KCTD8: variants seen among roughly 807,000 people sequenced by gnomAD.
KCTD8 encodes the protein potassium channel tetramerization domain containing 8, also known as BTB/POZ domain-containing protein KCTD8.
In KCTD8, 27 loss-of-function variants were observed where a neutral mutation model predicts 31.5. The ratio of observed to expected loss-of-function variants is 0.86; its 90% CI spans 0.63 to 1.18. The LOEUF is 1.18. Among genes scored for constraint, KCTD8 ranks in the 50% most tolerant of loss-of-function variants. The probability of loss-of-function intolerance (pLI) is 0.00; values close to 1 mark genes in which losing one functional copy is unlikely to be tolerated. For missense variants in KCTD8, 658 were observed against 647.7 expected (o/e 1.02, Z -0.17); for synonymous variants, 290 against 280.0 (o/e 1.04, Z -0.36).
At chr4:44,359,768 TA>T (rs1384750951) in intron 1 of KCTD8, among the ~76,000 whole-genome samples, 1 of 152,118 alleles carries the variant, frequency 6.6e-6, no homozygotes, top group Non-Finnish European at 1.5e-5. Flanking sequence ...TGAATAAGTT[TA>T]AAATTCATCA....
intron 1 of KCTD8, among the ~76,000 whole-genome samples, chr4:44,273,101 C>A (rs941803902): frequency 6.6e-6 from 1 of 151,882 alleles, no homozygotes; most frequent in African/African-American, 2.4e-5. Flanking sequence ...TTAAATAATT[C>A]TATTATATAA....
At chr4:44,259,041 A>G (rs1413008587) in intron 1 of KCTD8, among the ~76,000 whole-genome samples, 1 of 151,930 alleles carries the variant, frequency 6.6e-6, no homozygotes, top group Non-Finnish European at 1.5e-5. Context: ...CTAAATATAT[A>G]ATTTCCACAA....
intron 1 of KCTD8, among the ~76,000 whole-genome samples, chr4:44,336,834 T>C (rs913821843): frequency 6.6e-6 from 1 of 152,080 alleles, no homozygotes; most frequent in Non-Finnish European, 1.5e-5. Flanking sequence ...TAGTGCTTTG[T>C]TTTTAAAAAA....
At chr4:44,442,105 G>GA (rs1560455892) in intron 1 of KCTD8, among the ~76,000 whole-genome samples, 1 of 151,642 alleles carries the variant, frequency 6.6e-6, no homozygotes, top group Non-Finnish European at 1.5e-5. Flanking sequence ...TGTGTACACA[G>GA]AAAAAAGACT....
chr4:44,250,104 T>C (rs915405004), intron 1 of KCTD8, among the ~76,000 whole-genome samples: 1 of 151,824 alleles, frequency 6.6e-6, no homozygotes, highest in Non-Finnish European at 1.5e-5. Flanking sequence ...GACATCTTTG[T>C]ATACTTGTGA....
chr4:44,353,058 C>T (rs1719254469), intron 1 of KCTD8, among the ~76,000 whole-genome samples: 1 of 152,070 alleles, frequency 6.6e-6, no homozygotes, highest in Non-Finnish European at 1.5e-5. Context: ...TGGTGATTAT[C>T]ACTAGAATAA....
At chr4:44,263,810 AT>A (rs1312909660) in intron 1 of KCTD8, among the ~76,000 whole-genome samples, 19 of 152,166 alleles carry the variant, frequency 1.2e-4, no homozygotes, top group Non-Finnish European at 1.5e-4. Flanking sequence ...CATCCAACCA[AT>A]TCAAATATCC....
At chr4:44,342,385 A>AAAGAAAGG (rs1236211668) in intron 1 of KCTD8, among the ~76,000 whole-genome samples, 2 of 151,818 alleles carry the variant, frequency 1.3e-5, no homozygotes, top group African/African-American at 4.8e-5. Context: ...AAAAAAAAAA[A>AAAGAAAGG]AAGAAAGGAA....
intron 1 of KCTD8, among the ~76,000 whole-genome samples, chr4:44,186,673 TG>T (rs1713599403): frequency 6.6e-6 from 1 of 152,152 alleles, no homozygotes; most frequent in Non-Finnish European, 1.5e-5. Context: ...TTTTGAGCAG[TG>T]GGGCACCGAA....
chr4:44,430,178 C>A (rs1287802631), intron 1 of KCTD8, among the ~76,000 whole-genome samples: 1 of 151,718 alleles, frequency 6.6e-6, no homozygotes, highest in Non-Finnish European at 1.5e-5. Flanking sequence ...ATAAACTGCT[C>A]TCTTGGGTGA....
At chr4:44,353,111 A>G (rs1002283792) in intron 1 of KCTD8, among the ~76,000 whole-genome samples, 24 of 152,120 alleles carry the variant, frequency 1.6e-4, no homozygotes, top group Admixed American at 8.5e-4. Context: ...ATCTTACCAC[A>G]TTGCAGTCAA....
At chr4:44,240,281 A>G (rs1266726121) in intron 1 of KCTD8, among the ~76,000 whole-genome samples, 3 of 152,210 alleles carry the variant, frequency 2.0e-5, no homozygotes, top group Non-Finnish European at 2.9e-5. Flanking sequence ...CACAGACTTC[A>G]CGGCTTACAT....
chr4:44,379,841 T>C (rs73247520), intron 1 of KCTD8, among the ~76,000 whole-genome samples: 13,680 of 152,164 alleles, frequency 0.09, 661 homozygotes, highest in Middle Eastern at 0.13. Context: ...AATCTAGCAA[T>C]TACACAGACC....
chr4:44,442,214 CT>C (rs1721830622), intron 1 of KCTD8, among the ~76,000 whole-genome samples: 2 of 151,780 alleles, frequency 1.3e-5, no homozygotes, highest in African/African-American at 4.8e-5. Context: ...AAATGTACTA[CT>C]TTTATGATTT....
At chr4:44,348,010 T>C (rs1719079415) in intron 1 of KCTD8, among the ~76,000 whole-genome samples, 1 of 152,138 alleles carries the variant, frequency 6.6e-6, no homozygotes. Context: ...GTTCTCTAAA[T>C]ACACACAGCA....
intron 1 of KCTD8, among the ~76,000 whole-genome samples, chr4:44,240,496 ATTTG>A (rs745806092): frequency 4.6e-5 from 7 of 151,872 alleles, no homozygotes; most frequent in African/African-American, 1.2e-4. Flanking sequence ...CCGGGATTTT[ATTTG>A]TTTGTTTATT....
At chr4:44,439,920 A>G (rs1353024523) in intron 1 of KCTD8, among the ~76,000 whole-genome samples, 2 of 149,716 alleles carry the variant, frequency 1.3e-5, no homozygotes. Context: ...TTATTTATTT[A>G]TTTATTTATT....
At chr4:44,305,152 T>G (rs1356297788) in intron 1 of KCTD8, among the ~76,000 whole-genome samples, 1 of 151,870 alleles carries the variant, frequency 6.6e-6, no homozygotes, top group East Asian at 1.9e-4. Flanking sequence ...AAGAACAGAA[T>G]TCAGTATGCA....
intron 1 of KCTD8, among the ~76,000 whole-genome samples, chr4:44,375,085 T>C (rs1678209542): frequency 6.6e-6 from 1 of 152,214 alleles, no homozygotes; most frequent in Non-Finnish European, 1.5e-5. Context: ...GAATTGTTTA[T>C]ATTTTACATT....
Sources: allele counts gnomAD v4.1 joint callset (sites outside exome capture counted in the v4.1 genomes callset), GRCh38; gene constraint gnomAD v4.1.1; transcripts MANE v1.5; gene names NCBI Gene and HGNC (gene_info 2026-07-23, HGNC 2026-07-21).